Variants in POLD3 observed in about 807,000 individuals in gnomAD.
POLD3 encodes DNA polymerase delta 3, accessory subunit.
A neutral mutation model predicts 58.2 loss-of-function variants in POLD3; 19 were observed. The observed-to-expected ratio is 0.33, with a 90% confidence interval of 0.23 to 0.48. The LOEUF is 0.48. POLD3 is among the 20% of genes least tolerant of loss of function. The pLI, the probability that POLD3 is intolerant of heterozygous loss-of-function variation, is 0.99. For synonymous variants in POLD3, 172 were observed against 193.5 expected, an observed-to-expected ratio of 0.89 and a Z score of 0.92; for missense variants, 504 against 545.5, an observed-to-expected ratio of 0.92 and a Z score of 0.76.
At chr11:74,593,798 G>C (rs191187641) in intron 1 of POLD3, among the ~76,000 whole-genome samples, 18 of 152,316 alleles carry the variant, frequency 1.2e-4, no homozygotes, top group African/African-American at 4.3e-4. Flanking sequence ...TGAGGAAAAT[G>C]AGAGTTTTTT....
At chr11:74,625,857 A>G (rs145735513) in intron 8 of POLD3, among the ~76,000 whole-genome samples, 1,260 of 125,856 alleles carry the variant, frequency 0.01, 14 homozygotes, top group African/African-American at 0.035. Flanking sequence ...TGGACATGGC[A>G]TAAGTGTGCC....
intron 2 of POLD3, among the ~76,000 whole-genome samples, chr11:74,594,791 T>A (rs1322289929): frequency 6.6e-6 from 1 of 152,114 alleles, no homozygotes; most frequent in Non-Finnish European, 1.5e-5. Context: ...CTTCACAGGG[T>A]GGCAGGAGAG....
At chr11:74,634,732 C>T (rs1305568202) in intron 10 of POLD3, 37 bp downstream of exon 10, 1 of 1,178,584 alleles carries the variant, frequency 8.5e-7, no homozygotes, top group Non-Finnish European at 1.3e-6. Flanking sequence ...GTCCATGCAT[C>T]CTTTGTGTCT....
rs910125983 is a variant in POLD3, at chr11:74,618,918, G to A, written c.660+114G>A. 8.8e-6 allele frequency: 8 copies of A among 905,554 alleles called. No individual in the cohort carries two copies. The African/African-American group carries it at 1.4e-4, about 15-fold the overall frequency. The allele number at this position is 905,554 out of a possible 1,614,324, so 56.1% of individuals were successfully genotyped here. A position where few individuals can be genotyped will look rare whatever the true frequency, so the allele number is the denominator to read the frequency against. On this transcript the variant is annotated intron_variant, in intron 6 of 11. Coordinates refer to ENST00000263681, the MANE Select transcript of POLD3 (RefSeq NM_006591.3). ...ATATAAGATTCTGATATTCAGTTCT[G>A]ATTTTTCTACTTTAGTTTGAACCCT...
At chr11:74,666,489 C>T (rs774888477) in intron 4 of POLD3, among the ~76,000 whole-genome samples, 8 of 152,040 alleles carry the variant, frequency 5.3e-5, no homozygotes, top group Non-Finnish European at 1.2e-4. Context: ...TGTGTGGTGG[C>T]GGGCGCCTGT....
chr11:74,608,922 A>G (rs1461874319), intron 3 of POLD3, among the ~76,000 whole-genome samples: 1 of 152,220 alleles, frequency 6.6e-6, no homozygotes, highest in Non-Finnish European at 1.5e-5. Context: ...GCATTATGAG[A>G]ACATTAATAA....
At chr11:74,638,110 T>C (rs1193002812) in intron 11 of POLD3, among the ~76,000 whole-genome samples, 6 of 152,184 alleles carry the variant, frequency 3.9e-5, no homozygotes, top group Non-Finnish European at 8.8e-5. Flanking sequence ...AAAAGAAATC[T>C]GATGTTACCC....
downstream of POLD3, among the ~76,000 whole-genome samples, chr11:74,646,886 T>C (rs2033005164): frequency 1.3e-5 from 2 of 152,360 alleles, no homozygotes; most frequent in South Asian, 4.1e-4. Flanking sequence ...CATAGCATAA[T>C]GACGGTACAG....
chr11:74,658,005 A>C (rs1346246168), intron 4 of POLD3, among the ~76,000 whole-genome samples: 2 of 152,142 alleles, frequency 1.3e-5, no homozygotes, highest in Admixed American at 1.3e-4. Flanking sequence ...CAAGGTAGTC[A>C]AGTTAAATCT....
intron 4 of POLD3, among the ~76,000 whole-genome samples, chr11:74,661,653 G>A (rs1333116129): frequency 6.6e-6 from 1 of 152,142 alleles, no homozygotes; most frequent in Non-Finnish European, 1.5e-5. Flanking sequence ...GCACAGTGCT[G>A]GGTCTTACCC....
intron 3 of POLD3, among the ~76,000 whole-genome samples, chr11:74,609,274 A>G (rs565339337): frequency 2.7e-5 from 4 of 146,818 alleles, no homozygotes; most frequent in South Asian, 4.3e-4. Context: ...TTTGCTTTCA[A>G]TTGATAGGTT....
At chr11:74,629,731 G>T (rs2032537790) in intron 9 of POLD3, among the ~76,000 whole-genome samples, 1 of 152,066 alleles carries the variant, frequency 6.6e-6, no homozygotes, top group African/African-American at 2.4e-5. Context: ...ACAACCTACA[G>T]TGTCATTGTT....
Position 74,618,692 on chromosome 11 carries a change from A to T in POLD3, c.548A>T (p.Lys183Met). ...AATGGTCATGGCCCACCTGCATCCA[A>T]GCAGGTTTCCCAGCAGCCCAAAGGA... is the stretch of plus-strand genomic sequence containing the variant. ...TTNGHGPPAS[K>M]QVSQQPKGIM... Residue 183 changes from lysine (K) to methionine (M), a missense_variant, in exon 6 of 12, where the codon AAG becomes ATG. By Grantham distance (95) the Lys-to-Met change is moderately conservative. Transcript: ENST00000263681. 1 of 1,614,080 alleles carries T rather than the reference A, an allele frequency of 6.2e-7. No homozygotes were observed. The highest frequency in any genetic ancestry group is 8.5e-7 in the Non-Finnish European group (1 of 1,179,922).
chr11:74,596,345 G>A (rs1328210573), intron 2 of POLD3, among the ~76,000 whole-genome samples: 4 of 150,542 alleles, frequency 2.7e-5, no homozygotes, highest in African/African-American at 4.9e-5. Context: ...CACCATACCC[G>A]GCTAATTTTA....
intron 5 of POLD3, 88 bp from the exon 6 acceptor site, chr11:74,618,449 C>G (rs991278634): frequency 2.0e-5 from 18 of 897,072 alleles, no homozygotes; most frequent in Middle Eastern, 2.3e-4. Flanking sequence ...AAGTTTTATA[C>G]TGACATTAGT....
Position 74,618,749 on chromosome 11 carries a change from C to A in POLD3, c.605C>A (p.Ala202Asp). The A allele has an allele frequency of 6.2e-7, 1 of 1,614,052 alleles. No homozygotes were observed. The highest frequency in any genetic ancestry group is 8.5e-7 in the Non-Finnish European group (1 of 1,179,948). The change falls in exon 6 of 12, where the codon GCT becomes GAT. Residue 202 changes from alanine (A) to aspartate (D), a missense_variant. Ala to Asp is a moderately radical substitution (Grantham distance 126). This residue lies in a region of POLD3 where 385 missense variants were observed against 370.5 expected (regional missense o/e 1.04). Transcript: ENST00000263681. ...IMGMFASKAA[A>D]KTQETNKETK... ...GGAATGTTTGCCTCCAAAGCTGCTG[C>A]TAAAACCCAAGAAACCAACAAGGAA...
chr11:74,638,207 A>C (rs1191245281), intron 11 of POLD3, among the ~76,000 whole-genome samples: 1 of 152,118 alleles, frequency 6.6e-6, no homozygotes, highest in African/African-American at 2.4e-5. Context: ...CTATATTTTT[A>C]ATGGAGACCT....
intron 11 of POLD3, among the ~76,000 whole-genome samples, chr11:74,637,613 A>G (rs964578533): frequency 6.6e-6 from 1 of 151,980 alleles, no homozygotes; most frequent in Non-Finnish European, 1.5e-5. Flanking sequence ...TTCTGCCCCA[A>G]AAGAAAAAAG....
intron 5 of POLD3, among the ~76,000 whole-genome samples, chr11:74,616,926 C>A (rs558736095): frequency 6.6e-6 from 1 of 152,212 alleles, no homozygotes; most frequent in Admixed American, 6.5e-5. Flanking sequence ...GGGAGAGAAG[C>A]CAGAAGCCTC....
Sources: gnomAD v4.1 joint callset for allele counts (sites outside exome capture counted in the v4.1 genomes callset) on GRCh38, gnomAD v4.1.1 for gene constraint, gnomAD v4.1.1 regional missense constraint, MANE v1.5 for transcripts, NCBI Gene and HGNC (gene_info 2026-07-23, HGNC 2026-07-21) for gene names.